Variants in SGSM2 observed in about 807,000 individuals in gnomAD.
The protein encoded by SGSM2 is small G protein signaling modulator 2.
In SGSM2, 89 loss-of-function variants were observed where a neutral mutation model predicts 126.6. The observed-to-expected ratio is 0.70, with a 90% CI of 0.59 to 0.84. The LOEUF is 0.84. Among genes scored for constraint, SGSM2 ranks in the 40% least tolerant of loss-of-function variants. SGSM2 has a pLI of 0.00. For missense variants in SGSM2, 1,404 were observed against 1,416.6 expected, an observed-to-expected ratio of 0.99 and a Z score of 0.14; for synonymous variants, 614 against 574.3, an observed-to-expected ratio of 1.07 and a Z score of -0.99.
At chr17:2,364,417 T>C (rs1328519553) in intron 8 of SGSM2, 179 bp from the exon 9 acceptor site, 1 of 814,460 alleles carries the variant, frequency 1.2e-6, no homozygotes, top group African/African-American at 1.7e-5. Flanking sequence ...GACGGACAGC[T>C]GTCCATGTGC....
intron 21 of SGSM2, 49 bp downstream of exon 21, chr17:2,377,117 G>A: frequency 8.3e-7 from 1 of 1,206,118 alleles, no homozygotes; most frequent in African/African-American, 1.5e-5. Context: ...GTGCTGGGCT[G>A]GTCCATCGTC....
intron 22 of SGSM2, 38 bp from the exon 23 acceptor site, chr17:2,378,998 G>T: frequency 6.3e-7 from 1 of 1,595,270 alleles, no homozygotes; most frequent in Non-Finnish European, 8.6e-7. Flanking sequence ...CAGATATGCG[G>T]CTAGGACGGG....
At chr17:2,376,595 G>T in intron 19 of SGSM2, 138 bp from the exon 20 acceptor site, 1 of 935,714 alleles carries the variant, frequency 1.1e-6, no homozygotes, top group Admixed American at 1.9e-5. Context: ...CTCCCTGTGG[G>T]GGGTGCACAG....
intron 10 of SGSM2, 38 bp downstream of exon 10, chr17:2,365,095 G>A: frequency 6.2e-7 from 1 of 1,604,410 alleles, no homozygotes; most frequent in South Asian, 1.1e-5. Context: ...AGGGCTGTGT[G>A]TGGGGTTCTC....
chr17:2,374,025 G>A (rs867470749), intron 17 of SGSM2: 35 of 159,152 alleles, frequency 2.2e-4, no homozygotes, highest in Middle Eastern at 3.0e-3. Flanking sequence ...TCCTCCCCGC[G>A]ATGTTGCCTG....
chr17:2,359,602 T>G (rs1054274411), intron 2 of SGSM2, among the ~76,000 whole-genome samples: 1 of 151,904 alleles, frequency 6.6e-6, no homozygotes, highest in Non-Finnish European at 1.5e-5. Context: ...GAATGCCTCC[T>G]CTCACCCGAG....
At chr17:2,349,294 T>G (rs2064745442) in intron 2 of SGSM2, among the ~76,000 whole-genome samples, 1 of 152,086 alleles carries the variant, frequency 6.6e-6, no homozygotes. Context: ...GAGAATCACT[T>G]GAACCTGAGA....
In SGSM2 at chr17:2,363,141, G is replaced by A; in HGVS notation, c.672+7G>A. 6.3e-7 allele frequency: 1 copy of A among 1,591,210 alleles called. No individual in the cohort carries two copies. The highest frequency in any genetic ancestry group is 2.3e-5 in the East Asian group (1 of 43,592). On this transcript the variant is annotated splice_region_variant and intron_variant, in intron 6 of 23. Coordinates refer to ENST00000268989, the MANE Select transcript of SGSM2 (RefSeq NM_014853.3). This position sits in a 1 kb window ranked among gnomAD's most constrained non-coding sequence, Gnocchi z 4.2. ...AAAGCGCCCAGCCCTGGGGGTAGGT[G>A]CCCCCTCCCCACCCTTTGGGCTCAT...
At chr17:2,365,465 T>TAGGCGATGAG in intron 11 of SGSM2, 124 bp downstream of exon 11, 1 of 1,160,804 alleles carries the variant, frequency 8.6e-7, no homozygotes, top group Non-Finnish European at 1.2e-6. Context: ...CACCAGAGGC[T>TAGGCGATGAG]CATCGCCTAG....
chr17:2,371,504 C>T (rs1233494214), intron 13 of SGSM2, 89 bp downstream of exon 13: 25 of 1,453,240 alleles, frequency 1.7e-5, no homozygotes, highest in Middle Eastern at 2.6e-4. Context: ...GTCACCTGCA[C>T]GACAGGGTGG....
chr17:2,364,457 T>C (rs922582858), intron 8 of SGSM2, 139 bp from the exon 9 acceptor site: 5 of 944,702 alleles, frequency 5.3e-6, no homozygotes, highest in South Asian at 4.5e-5. Context: ...TCAGGGGTCA[T>C]GGCTGGCTGT....
rs780043909 is a variant in SGSM2 at position 2,337,667 on chromosome 17, C to A, written c.-22C>A. ...GGGCGCGGGGGCTCTGAGGACCGCTCGGCGCCGCCTCCTGCCACACCATGG... is the reference window on the plus strand; with the variant it reads ...GGGCGCGGGGGCTCTGAGGACCGCTAGGCGCCGCCTCCTGCCACACCATGG... On this transcript the variant is annotated 5_prime_UTR_variant, in exon 1 of 24. Coordinates refer to ENST00000268989, the MANE Select transcript of SGSM2 (RefSeq NM_014853.3). This position sits in a 1 kb window ranked among gnomAD's most constrained non-coding sequence, Gnocchi z 5.1. 26 of 1,453,038 alleles carry A rather than the reference C, an allele frequency of 1.8e-5. No homozygotes were observed. The South Asian group carries it at 3.1e-4, about 17-fold the overall frequency. The allele number at this position is 1,453,038 out of a possible 1,614,324, so 90.0% of individuals were successfully genotyped here.
At chr17:2,349,878 C>T (rs917377833) in intron 2 of SGSM2, among the ~76,000 whole-genome samples, 1 of 151,686 alleles carries the variant, frequency 6.6e-6, no homozygotes, top group African/African-American at 2.4e-5. Context: ...AGCTCCGCCT[C>T]CCGGGTTCAC....
chr17:2,361,485 A>C, intron 2 of SGSM2, 152 bp from the exon 3 acceptor site: 1 of 899,054 alleles, frequency 1.1e-6, no homozygotes, highest in Non-Finnish European at 1.7e-6. Flanking sequence ...AGGGACGGGG[A>C]GGGGAATTTT....
Position 2,363,746 on chromosome 17 carries a change from C to T in SGSM2, c.807+147C>T, listed in dbSNP as rs530853132. The T allele has an allele frequency of 6.2e-5, 75 of 1,212,874 alleles. No homozygotes were observed. The highest frequency in any genetic ancestry group is 4.2e-4 in the South Asian group (27 of 64,942). 75.1% of individuals were successfully genotyped at this position (1,212,874 alleles called of 1,614,324 possible). ...CAGCCTCCCAACTCCCTGTTTCACA[C>T]GACTCACGCCCAGCCTTTAGTTGGC... On this transcript the variant is annotated intron_variant, in intron 7 of 23. Coordinates refer to ENST00000268989, the MANE Select transcript of SGSM2 (RefSeq NM_014853.3). The surrounding 1 kb of genome is among the most constrained non-coding windows in gnomAD (Gnocchi z 4.2).
At chr17:2,356,376 G>A (rs1300777298) in intron 2 of SGSM2, among the ~76,000 whole-genome samples, 2 of 1,284 alleles carry the variant, frequency 1.6e-3, no homozygotes, top group Admixed American at 6.4e-3. Flanking sequence ...GGGGTGTAAG[G>A]GTTGGGGGAA....
At chr17:2,364,031 G>A (rs749134983) in intron 7 of SGSM2, 28 bp from the exon 8 acceptor site, 23 of 1,613,806 alleles carry the variant, frequency 1.4e-5, no homozygotes, top group Non-Finnish European at 1.9e-5. Flanking sequence ...GCCCTTCATC[G>A]TCGGTCTTCC....
At position 2,340,519 on chromosome 17, in the gene SGSM2, G is replaced by A. The variant is rs532910555; in HGVS notation, c.57+2774G>A. 1.6e-4 allele frequency among the ~76,000 whole-genome samples: 24 copies of A among 152,190 alleles called. No individual in the cohort carries two copies. In the East Asian group the frequency reaches 2.1e-3, roughly 13 times the overall value. ...AAATGTCAGAATATGCCACAGCTAC[G>A]TATCATTCCTGACAAAAGTTGACCT... On this transcript the variant is annotated intron_variant, in intron 1 of 23. Transcript: ENST00000268989.
chr17:2,373,472 G>A lies in SGSM2; in HGVS notation c.2059G>A (p.Val687Met), dbSNP rs538758259. ...FSSGSSIDSH[V>M]QRLIHRDSTI... ...CTCAGGCAGCAGCATCGACAGCCACGTGCAGCGCCTCATCCACCGAGACTC... is the reference window on the plus strand; with the variant it reads ...CTCAGGCAGCAGCATCGACAGCCACATGCAGCGCCTCATCCACCGAGACTC... The change falls in exon 17 of 24, where the codon GTG (valine) becomes ATG (methionine). Residue 687 changes from valine to methionine, a missense_variant. Physicochemically the swap from Val to Met is conservative, Grantham distance 21 (BLOSUM62 1). Transcript: ENST00000268989. 3.4e-5 allele frequency: 54 copies of A among 1,602,748 alleles called. 1 individual carries two copies. In the East Asian group the frequency reaches 4.0e-4, roughly 12 times the overall value.
Sources: gnomAD v4.1 joint callset for allele counts (sites outside exome capture counted in the v4.1 genomes callset) on GRCh38, gnomAD v4.1.1 for gene constraint, Gnocchi (gnomAD v3.1) non-coding constraint, MANE v1.5 for transcripts, NCBI Gene and HGNC (gene_info 2026-07-23, HGNC 2026-07-21) for gene names.